GLIS3: variants seen among roughly 807,000 people sequenced by gnomAD.
The protein encoded by GLIS3 is zinc finger protein GLIS3.
In GLIS3, 53 loss-of-function variants were observed where a neutral mutation model predicts 78.6. The observed-to-expected ratio is 0.67, with a 90% CI of 0.54 to 0.85. The LOEUF (loss-of-function observed/expected upper bound fraction) is 0.85, where lower values mean the gene tolerates loss of function less well. Among genes scored for constraint, GLIS3 ranks in the 40% least tolerant of loss-of-function variants. GLIS3 has a pLI of 0.00. For missense variants in GLIS3, 1,703 were observed against 1,231.1 expected (o/e 1.38, Z -5.74); for synonymous variants, 684 against 509.9 (o/e 1.34, Z -4.60).
chr9:4,392,998 C>T, the GLIS3 span, among the ~76,000 whole-genome samples: 1,630 of 151,594 alleles, frequency 0.011, 27 homozygotes, highest in African/African-American at 0.038. Flanking sequence ...GAGTTTTACC[C>T]GATCCCCCAA....
At chr9:3,848,265 C>G (rs1221107370) in intron 9 of GLIS3, among the ~76,000 whole-genome samples, 1 of 152,136 alleles carries the variant, frequency 6.6e-6, no homozygotes, top group Non-Finnish European at 1.5e-5. Context: ...CTTTGGGAGG[C>G]CAAGGCAAGT....
chr9:4,104,349 C>G (rs1024836804), intron 4 of GLIS3, among the ~76,000 whole-genome samples: 1 of 152,038 alleles, frequency 6.6e-6, no homozygotes, highest in African/African-American at 2.4e-5. Context: ...GTCTCTATAC[C>G]TCATATGCAA....
chr9:3,950,310 T>C (rs1816592556), intron 4 of GLIS3, among the ~76,000 whole-genome samples: 2 of 152,240 alleles, frequency 1.3e-5, no homozygotes, highest in African/African-American at 4.8e-5. Flanking sequence ...GGAGTCACTT[T>C]TGAAAACTAG....
chr9:4,157,468 T>C (rs117311544), intron 2 of GLIS3, among the ~76,000 whole-genome samples: 12 of 152,238 alleles, frequency 7.9e-5, no homozygotes, highest in Non-Finnish European at 1.8e-4. Context: ...TGGTCTCTCT[T>C]TGGGGTGGGG....
At chr9:4,463,325 G>A in the GLIS3 span, among the ~76,000 whole-genome samples, 1 of 152,238 alleles carries the variant, frequency 6.6e-6, no homozygotes, top group East Asian at 1.9e-4. Context: ...TAAGAAAAAG[G>A]GGAAAGAGAG....
chr9:4,015,792 G>A (rs1301543984), intron 4 of GLIS3, among the ~76,000 whole-genome samples: 1 of 151,356 alleles, frequency 6.6e-6, no homozygotes, highest in African/African-American at 2.4e-5. Flanking sequence ...GGGAGGCTGA[G>A]GCAGGAGAAC....
At chr9:4,378,039 A>C in the GLIS3 span, among the ~76,000 whole-genome samples, 5 of 152,200 alleles carry the variant, frequency 3.3e-5, no homozygotes, top group South Asian at 2.1e-4. Context: ...TCATCTGGTA[A>C]ATGGGTATAC....
At chr9:4,398,571 G>C in the GLIS3 span, among the ~76,000 whole-genome samples, 1 of 151,932 alleles carries the variant, frequency 6.6e-6, no homozygotes, top group Non-Finnish European at 1.5e-5. Context: ...CTCAATTTAA[G>C]GGCTAGGTCA....
intron 2 of GLIS3, among the ~76,000 whole-genome samples, chr9:4,151,288 T>A (rs2131038969): frequency 6.6e-6 from 1 of 152,244 alleles, no homozygotes; most frequent in Admixed American, 6.5e-5. Flanking sequence ...AAAAAAGAAA[T>A]CAGATTGTTA....
At chr9:4,125,374 AGATAGGTGTACATG>A (rs1391301158) in intron 3 of GLIS3, among the ~76,000 whole-genome samples, 1 of 152,182 alleles carries the variant, frequency 6.6e-6, no homozygotes, top group Non-Finnish European at 1.5e-5. Flanking sequence ...CTGGCAGGTA[AGATAGGTGTACATG>A]GACCATGCAA....
chr9:4,417,455 G>A, the GLIS3 span, among the ~76,000 whole-genome samples: 3 of 152,162 alleles, frequency 2.0e-5, no homozygotes, highest in Admixed American at 2.0e-4. Flanking sequence ...AATGTATCTT[G>A]GCAGTCTTTT....
chr9:4,339,272 T>C (rs1294507962), intron 2 of GLIS3, among the ~76,000 whole-genome samples: 2 of 152,222 alleles, frequency 1.3e-5, no homozygotes, highest in Non-Finnish European at 2.9e-5. Context: ...GTTTTGTCAC[T>C]ATGTAGCTAA....
the GLIS3 span, among the ~76,000 whole-genome samples, chr9:4,380,151 TAGG>T: frequency 6.6e-6 from 1 of 152,344 alleles, no homozygotes; most frequent in East Asian, 1.9e-4. Context: ...TGTATACAGC[TAGG>T]AGAAGGAATT....
intron 8 of GLIS3, among the ~76,000 whole-genome samples, chr9:3,871,347 T>A (rs955100070): frequency 6.6e-6 from 1 of 152,188 alleles, no homozygotes; most frequent in African/African-American, 2.4e-5. Context: ...GTGACCCTCT[T>A]CTCACAGCTC....
At chr9:4,268,806 T>C (rs760786973) in intron 2 of GLIS3, among the ~76,000 whole-genome samples, 16 of 152,054 alleles carry the variant, frequency 1.1e-4, no homozygotes, top group African/African-American at 1.4e-4. Flanking sequence ...CTGGGCAGCA[T>C]CTCCTCAGCT....
At chr9:4,293,894 C>T (rs1816244339) in intron 1 of GLIS3, among the ~76,000 whole-genome samples, 1 of 152,172 alleles carries the variant, frequency 6.6e-6, no homozygotes, top group Admixed American at 6.5e-5. Context: ...AAGGGTGGCC[C>T]CACCAGCTTT....
At chr9:4,407,918 GA>G in the GLIS3 span, among the ~76,000 whole-genome samples, 69 of 150,246 alleles carry the variant, frequency 4.6e-4, no homozygotes, top group Non-Finnish European at 8.7e-4. Flanking sequence ...ACTCTAAGAG[GA>G]AAAAAAAATC....
At chr9:4,197,659 G>A (rs370135426) in intron 2 of GLIS3, among the ~76,000 whole-genome samples, 16 of 152,274 alleles carry the variant, frequency 1.1e-4, no homozygotes, top group East Asian at 9.7e-4. Context: ...CCACTTCACC[G>A]GGGCTGAGGA....
intron 4 of GLIS3, among the ~76,000 whole-genome samples, chr9:4,018,591 G>C (rs1469121619): frequency 6.6e-6 from 1 of 152,136 alleles, no homozygotes; most frequent in Non-Finnish European, 1.5e-5. Context: ...TTTCAAGAAG[G>C]GAAAAGCTGC....
Sources: gnomAD v4.1 joint callset for allele counts (sites outside exome capture counted in the v4.1 genomes callset) on GRCh38, gnomAD v4.1.1 for gene constraint, MANE v1.5 for transcripts, NCBI Gene and HGNC (gene_info 2026-07-23, HGNC 2026-07-21) for gene names.